Variants in CPT1C observed in about 807,000 individuals in gnomAD.
The protein encoded by CPT1C is carnitine palmitoyltransferase 1C, also known as palmitoyl thioesterase CPT1C.
CPT1C carries 61 observed loss-of-function variants against 97.3 expected under a neutral mutation model. The ratio of observed to expected loss-of-function variants is 0.63; its 90% CI spans 0.51 to 0.78. The LOEUF is 0.78. Among genes scored for constraint, CPT1C ranks in the 30% least tolerant of loss-of-function variants. The pLI, the probability that CPT1C is intolerant of heterozygous loss-of-function variation, is 0.00. For missense variants in CPT1C, 975 were observed against 1,065.5 expected (o/e 0.92, Z 1.18); for synonymous variants, 469 against 447.2 (o/e 1.05, Z -0.61).
At chr19:49,710,563 C>A (rs1306799849) in intron 15 of CPT1C, 79 bp downstream of exon 15, 17 of 1,581,764 alleles carry the variant, frequency 1.1e-5, no homozygotes, top group Non-Finnish European at 1.5e-5. Context: ...TCCACGGTTC[C>A]TTGTGGTCGC....
At chr19:49,700,607 G>A in intron 4 of CPT1C, 77 bp from the exon 5 acceptor site, 1 of 1,499,866 alleles carries the variant, frequency 6.7e-7, no homozygotes, top group Non-Finnish European at 9.1e-7. Flanking sequence ...ATCAGCGCAG[G>A]GGCTGGAGGG....
rs201513192 is a variant in CPT1C at position 49,701,672 on chromosome 19, G to T, written c.693+38G>T. Reference sequence around the variant, plus strand: ...ACCGCCACCAACGCCCCACCTGAAGGGCTAAGGTTGTGAGCTCGCCTGCTA... The same window carrying T: ...ACCGCCACCAACGCCCCACCTGAAGTGCTAAGGTTGTGAGCTCGCCTGCTA... On this transcript the variant is annotated intron_variant, in intron 7 of 19. Transcript: ENST00000598293. The T allele has an allele frequency of 6.4e-6, 10 of 1,559,926 alleles. No individual in the cohort carries two copies. In the Admixed American group the frequency reaches 7.1e-5, roughly 11 times the overall value.
At position 49,697,326 on chromosome 19, in the gene CPT1C, A is replaced by C; in HGVS notation, c.142A>C (p.Asn48His). 3 of 1,613,966 alleles carry C rather than the reference A, an allele frequency of 1.9e-6. No individual in the cohort carries two copies. The highest frequency in any genetic ancestry group is 2.5e-6 in the Non-Finnish European group (3 of 1,179,980). Residue 48 changes from asparagine to histidine, a missense_variant and splice_region_variant, in exon 4 of 20, where the codon AAT becomes CAT. Coordinates refer to ENST00000598293, the MANE Select transcript of CPT1C (RefSeq NM_001199753.2). Reference protein sequence around the residue: ...SWKRHLSRFWNDFLTGVFPAS... With the variant: ...SWKRHLSRFWHDFLTGVFPAS... ...AATGGATGCCCTTTCCTCCCCACAG[A>C]ATGACTTTCTCACCGGTGTGTTTCC...
At chr19:49,695,073 G>T (rs1420518970) in intron 3 of CPT1C, among the ~76,000 whole-genome samples, 1 of 150,714 alleles carries the variant, frequency 6.6e-6, no homozygotes, top group African/African-American at 2.4e-5. Flanking sequence ...CCCAGGAGGC[G>T]GAGCTTGCAG....
At chr19:49,710,651 CA>C in intron 15 of CPT1C, 71 bp from the exon 16 acceptor site, 1 of 1,584,502 alleles carries the variant, frequency 6.3e-7, no homozygotes, top group Non-Finnish European at 8.6e-7. Flanking sequence ...GAGGTCTGGA[CA>C]GAGATAGGTC....
chr19:49,696,921 C>T (rs1207610256), intron 3 of CPT1C, among the ~76,000 whole-genome samples: 1 of 152,042 alleles, frequency 6.6e-6, no homozygotes, highest in Non-Finnish European at 1.5e-5. Context: ...CGTGAGCCAC[C>T]GCTGGTCTTG....
In CPT1C at chr19:49,708,784, A is replaced by T; in HGVS notation, c.1511A>T (p.His504Leu). The T allele has an allele frequency of 6.2e-7, 1 of 1,614,012 alleles. No individual in the cohort carries two copies. The highest frequency in any genetic ancestry group is 8.5e-7 in the Non-Finnish European group (1 of 1,179,980). The change falls in exon 14 of 20, where the codon CAC (histidine) becomes CTC (leucine). Residue 504 changes from histidine (H) to leucine (L), a missense_variant. Physicochemically the swap from His to Leu is moderately conservative, Grantham distance 99 (BLOSUM62 -3). This residue lies in a region of CPT1C where 344 missense variants were observed against 395.7 expected (regional missense o/e 0.87). Coordinates refer to ENST00000598293, the MANE Select transcript of CPT1C (RefSeq NM_001199753.2). The part of the protein sequence containing the change: ...GYSTDGHCKG[H>L]PDPTLPQPQR... ...TCAACAGACGGCCACTGCAAGGGGC[A>T]CCCGGACCCCACACTACCCCAGCCC...
rs1784274033 is a variant in CPT1C at position 49,692,356 on chromosome 19, G to A, written c.104G>A (p.Gly35Asp). The A allele has an allele frequency of 1.2e-6, 2 of 1,614,026 alleles. No homozygotes were observed. The highest frequency in any genetic ancestry group is 1.7e-6 in the Non-Finnish European group (2 of 1,180,032). The change falls in exon 3 of 20, where the codon GGC becomes GAC. Residue 35 changes from glycine to aspartate, a missense_variant. Gly to Asp is a moderately conservative substitution (Grantham distance 94). Around this residue, in one of 3 missense-constraint regions of CPT1C, gnomAD observed 596 missense variants for 603.1 expected, o/e 0.99. Coordinates refer to ENST00000598293, the MANE Select transcript of CPT1C (RefSeq NM_001199753.2). Reference protein sequence around the residue: ...APVLQEIYLSGLRSWKRHLSR... With the variant: ...APVLQEIYLSDLRSWKRHLSR... ...GTGCTGCAGGAGATCTACCTCTCTG[G>A]CCTGCGCTCCTGGAAAAGGCATCTC...
chr19:49,694,646 A>G (rs57424498), intron 3 of CPT1C, among the ~76,000 whole-genome samples: 18,629 of 147,190 alleles, frequency 0.13, 1,291 homozygotes, highest in Middle Eastern at 0.23. Context: ...AAAAAAAAAA[A>G]GGGGGTGGGA....
rs760710395 is a variant in CPT1C, at chr19:49,705,944, G to A, written c.1000G>A (p.Ala334Thr). ...CCACCTCCATGACAGCCAACACGTG[G>A]CTGTCTTCCACCGGGGCCGATTCTT... ...IRHLHDSQHVAVFHRGRFFRM... is the reference protein window; with the variant it reads ...IRHLHDSQHVTVFHRGRFFRM... Residue 334 changes from alanine (A) to threonine (T), a missense_variant, in exon 11 of 20, where the codon GCT becomes ACT. Physicochemically the swap from Ala to Thr is moderately conservative, Grantham distance 58. Around this residue, in one of 3 missense-constraint regions of CPT1C, gnomAD observed 596 missense variants for 603.1 expected, o/e 0.99. Transcript: ENST00000598293. The A allele has an allele frequency of 1.9e-6, 3 of 1,613,790 alleles. No individual in the cohort carries two copies. The highest frequency in any genetic ancestry group is 2.5e-6 in the Non-Finnish European group (3 of 1,179,912).
At chr19:49,702,378 G>A (rs2083224169) in intron 7 of CPT1C, among the ~76,000 whole-genome samples, 1 of 150,906 alleles carries the variant, frequency 6.6e-6, no homozygotes, top group South Asian at 2.1e-4. Flanking sequence ...AGCAGGTTGC[G>A]AGGCCAAGGC....
chr19:49,703,500 C>T (rs1568524950), intron 7 of CPT1C, among the ~76,000 whole-genome samples: 2 of 147,490 alleles, frequency 1.4e-5, no homozygotes, highest in African/African-American at 5.0e-5. Context: ...CATGCCCGGC[C>T]TCTTTCTTTC....
chr19:49,701,633 A>T lies in CPT1C; in HGVS notation c.692A>T (p.Tyr231Phe). ...LRLKSWWASN[Y>F]VSDWWEEFVY... The stretch of plus-strand genomic sequence containing the variant: ...CTCAAGTCCTGGTGGGCGTCCAATT[A>T]TGTGAGTCCCGCCACCGCCACCAAC... The change falls in exon 7 of 20, where the codon TAT becomes TTT. Residue 231 changes from tyrosine (Y) to phenylalanine (F), a missense_variant and splice_region_variant. This residue lies in a region of CPT1C where 596 missense variants were observed against 603.1 expected (regional missense o/e 0.99). Coordinates refer to ENST00000598293, the MANE Select transcript of CPT1C (RefSeq NM_001199753.2). 1 of 1,594,970 alleles carries T rather than the reference A, an allele frequency of 6.3e-7. No homozygotes were observed. The highest frequency in any genetic ancestry group is 1.1e-5 in the South Asian group (1 of 90,216).
At chr19:49,694,221 G>A (rs888487708) in intron 3 of CPT1C, among the ~76,000 whole-genome samples, 4 of 152,110 alleles carry the variant, frequency 2.6e-5, no homozygotes, top group African/African-American at 4.8e-5. Context: ...AAACAGATGA[G>A]CAAAATATAG....
Position 49,700,710 on chromosome 19 carries a change from G to A in CPT1C, c.308G>A (p.Gly103Glu). 6.2e-7 allele frequency: 1 copy of A among 1,610,824 alleles called. No homozygotes were observed. ...GGTGGACAACACCACGGGCTCCGGGGGGTCCTGGCAGCCGCGCTGTTTGCC... is the reference window on the plus strand; with the variant it reads ...GGTGGACAACACCACGGGCTCCGGGAGGTCCTGGCAGCCGCGCTGTTTGCC... ...DWGGQHHGLRGVLAAALFASC... is the reference protein window; with the variant it reads ...DWGGQHHGLREVLAAALFASC... Residue 103 changes from glycine to glutamate, a missense_variant, in exon 5 of 20, where the codon GGG becomes GAG. Transcript: ENST00000598293.
At chr19:49,710,958 C>T in intron 16 of CPT1C, 101 bp downstream of exon 16, 1 of 1,287,304 alleles carries the variant, frequency 7.8e-7, no homozygotes. Context: ...CCACGAGGAG[C>T]ACAAGGGACA....
intron 13 of CPT1C, among the ~76,000 whole-genome samples, chr19:49,708,086 GA>G (rs2083618177): frequency 6.6e-6 from 1 of 150,724 alleles, no homozygotes; most frequent in Non-Finnish European, 1.5e-5. Flanking sequence ...ACCTGGCAAA[GA>G]AAGGGGACTG....
In CPT1C at chr19:49,692,245, A is replaced by G; in HGVS notation, c.-8A>G. The G allele has an allele frequency of 6.2e-7, 1 of 1,613,450 alleles. No homozygotes were observed. The highest frequency in any genetic ancestry group is 8.5e-7 in the Non-Finnish European group (1 of 1,179,976). On this transcript the variant is annotated 5_prime_UTR_variant, in exon 3 of 20. Coordinates refer to ENST00000598293, the MANE Select transcript of CPT1C (RefSeq NM_001199753.2). ...ATGACTCTGCCCGACTCAGGGCTCCAGCGTGACATGGCTGAAGCGCACCAG... is the reference window on the plus strand; with the variant it reads ...ATGACTCTGCCCGACTCAGGGCTCCGGCGTGACATGGCTGAAGCGCACCAG...
At position 49,713,639 on chromosome 19, in the gene CPT1C, A is replaced by G. The variant is rs201853254; in HGVS notation, c.*34A>G. ...AGCAGGCAGCTGGCCTCTCCAAGGA[A>G]TAAGGGTGAAATTGCCACAGCTGGC... On this transcript the variant is annotated 3_prime_UTR_variant, in exon 20 of 20. Transcript: ENST00000598293. 132 of 1,573,908 alleles carry G rather than the reference A, an allele frequency of 8.4e-5. No individual in the cohort carries two copies. In the African/African-American group the frequency reaches 1.5e-3, roughly 18 times the overall value.
Sources: gnomAD v4.1 joint callset for allele counts (sites outside exome capture counted in the v4.1 genomes callset) on GRCh38, gnomAD v4.1.1 for gene constraint, gnomAD v4.1.1 regional missense constraint, MANE v1.5 for transcripts, NCBI Gene and HGNC (gene_info 2026-07-23, HGNC 2026-07-21) for gene names.